ZC3H12C: variants seen among roughly 807,000 people sequenced by gnomAD.
ZC3H12C encodes zinc finger CCCH-type containing 12C.
In ZC3H12C, 20 loss-of-function variants were observed where a neutral mutation model predicts 76.3. The ratio of observed to expected loss-of-function variants is 0.26; its 90% CI spans 0.18 to 0.38. The LOEUF (loss-of-function observed/expected upper bound fraction) is 0.38. Among genes scored for constraint, ZC3H12C ranks in the 10% least tolerant of loss-of-function variants. ZC3H12C has a pLI of 1.00. For missense variants in ZC3H12C, 874 were observed against 1,086.5 expected, an observed-to-expected ratio of 0.80 and a Z score of 2.75; for synonymous variants, 352 against 399.6, an observed-to-expected ratio of 0.88 and a Z score of 1.42.
chr11:110,097,845 C>T (rs1861140632), intron 1 of ZC3H12C, among the ~76,000 whole-genome samples: 1 of 152,144 alleles, frequency 6.6e-6, no homozygotes, highest in Admixed American at 6.5e-5. Flanking sequence ...GATGTCATAG[C>T]CATCTCCTGA....
chr11:110,113,563 A>G (rs2134155668), intron 1 of ZC3H12C, among the ~76,000 whole-genome samples: 1 of 152,260 alleles, frequency 6.6e-6, no homozygotes, highest in East Asian at 1.9e-4. Context: ...GAAAAGCCTT[A>G]CTTTGAAAAG....
At chr11:110,158,828 T>C (rs1862425385) in intron 3 of ZC3H12C, among the ~76,000 whole-genome samples, 1 of 152,210 alleles carries the variant, frequency 6.6e-6, no homozygotes, top group Non-Finnish European at 1.5e-5. Context: ...TTACGAAGTA[T>C]GCAAACAAAC....
At chr11:110,140,376 T>C (rs1862047771) in intron 2 of ZC3H12C, among the ~76,000 whole-genome samples, 1 of 152,182 alleles carries the variant, frequency 6.6e-6, no homozygotes, top group South Asian at 2.1e-4. Context: ...TAAAAGTGTT[T>C]GAGTTCTTCA....
chr11:110,148,035 A>T (rs907220801), intron 2 of ZC3H12C, among the ~76,000 whole-genome samples: 1 of 152,254 alleles, frequency 6.6e-6, no homozygotes, highest in African/African-American at 2.4e-5. Flanking sequence ...GAAGGGCAAC[A>T]AGAAGCAGAA....
At chr11:110,110,086 C>A (rs1445911936) in intron 1 of ZC3H12C, among the ~76,000 whole-genome samples, 1 of 152,212 alleles carries the variant, frequency 6.6e-6, no homozygotes, top group East Asian at 1.9e-4. Flanking sequence ...ACAGGGGTTG[C>A]TTTTGTTGTT....
chr11:110,124,128 G>A (rs892647685), intron 1 of ZC3H12C: 1 of 152,216 alleles, frequency 6.6e-6, no homozygotes, highest in African/African-American at 2.4e-5. Flanking sequence ...GCTCTAGTTG[G>A]GAAGAGAATC....
chr11:110,098,854 A>G lies in ZC3H12C; in HGVS notation c.21+5422A>G, dbSNP rs1265509035. ...GAAATAGCCTAAGGATGCATTTCTC[A>G]GAACATAACTTTGTCAAGTGACACA... On this transcript the variant is annotated intron_variant, in intron 1 of 5. Coordinates refer to ENST00000278590, the MANE Select transcript of ZC3H12C (RefSeq NM_033390.2). Among the ~76,000 whole-genome samples the G allele has an allele frequency of 2.6e-5, 4 of 152,270 alleles. No individual in the cohort carries two copies. In the East Asian group the frequency reaches 7.7e-4, roughly 29 times the overall value.
rs1565252489 is a variant in ZC3H12C at position 110,117,991 on chromosome 11, C to CACACACACATATATATTATATATAT, written c.22-18667_22-18666insCACATATATATTATATATATACACA. Among the ~76,000 whole-genome samples, 5 of 127,870 alleles carry CACACACACATATATATTATATATAT rather than the reference C, an allele frequency of 3.9e-5. 1 individual carries two copies. The highest frequency in any genetic ancestry group is 9.1e-5 in the African/African-American group (3 of 32,934). 83.9% of individuals were successfully genotyped at this position (127,870 alleles called of 152,430 possible). ...CACACACATATATATTATATATATA[C>CACACACACATATATATTATATATAT]ACACATATATATTATATATATACAC... On this transcript the variant is annotated intron_variant, in intron 1 of 5. Coordinates refer to ENST00000278590, the MANE Select transcript of ZC3H12C (RefSeq NM_033390.2).
intron 1 of ZC3H12C, among the ~76,000 whole-genome samples, chr11:110,120,047 C>T (rs1937904673): frequency 6.6e-6 from 1 of 152,154 alleles, no homozygotes. Context: ...TAATTACCAT[C>T]ACCTGACATG....
intron 3 of ZC3H12C, among the ~76,000 whole-genome samples, chr11:110,155,158 G>A (rs962023464): frequency 2.6e-5 from 4 of 151,880 alleles, no homozygotes; most frequent in African/African-American, 4.8e-5. Flanking sequence ...GCCTGGTGGC[G>A]GGCACCTGTA....
In ZC3H12C at chr11:110,164,794, G is replaced by T; in HGVS notation, c.1709G>T (p.Gly570Val). 1 of 1,613,986 alleles carries T rather than the reference G, an allele frequency of 6.2e-7. No individual in the cohort carries two copies. Among genetic ancestry groups the T allele is most frequent in the Non-Finnish European group, 8.5e-7 (1 of 1,179,890 alleles). Residue 570 changes from glycine (G) to valine (V), a missense_variant, in exon 6 of 6, where the codon GGA (glycine) becomes GTA (valine). Physicochemically the swap from Gly to Val is moderately radical, Grantham distance 109 (BLOSUM62 -3). Transcript: ENST00000278590. This position sits in a 1 kb window ranked among gnomAD's most constrained non-coding sequence, Gnocchi z 5.7. Reference sequence around the variant, plus strand: ...ATGATGATGGCAACCAAAAATCATGGAACGCCAATGCCTTATGAACAGTAT... The same window carrying T: ...ATGATGATGGCAACCAAAAATCATGTAACGCCAATGCCTTATGAACAGTAT... ...PSMMMATKNH[G>V]TPMPYEQYPK...
chr11:110,126,227 T>A (rs1227776393), intron 1 of ZC3H12C, among the ~76,000 whole-genome samples: 1 of 125,976 alleles, frequency 7.9e-6, no homozygotes, highest in African/African-American at 3.0e-5. Flanking sequence ...TTTTTTTTTT[T>A]TTTTTTTTTT....
chr11:110,136,660 T>C lies in ZC3H12C; in HGVS notation c.22-3T>C. 1 of 1,601,806 alleles carries C rather than the reference T, an allele frequency of 6.2e-7. No individual in the cohort carries two copies. Among genetic ancestry groups the C allele is most frequent in the Non-Finnish European group, 8.5e-7 (1 of 1,175,482 alleles). On this transcript the variant is annotated splice_polypyrimidine_tract_variant and splice_region_variant and intron_variant, in intron 1 of 5. Coordinates refer to ENST00000278590, the MANE Select transcript of ZC3H12C (RefSeq NM_033390.2). ...ATTCTAAATATTTTACATTTTTCTC[T>C]AGGAATACGGGGTGCTTTGCATTCA...
chr11:110,096,523 C>A (rs181465781), intron 1 of ZC3H12C, among the ~76,000 whole-genome samples: 8 of 152,298 alleles, frequency 5.3e-5, no homozygotes, highest in Admixed American at 2.6e-4. Context: ...GAAGCAGAGA[C>A]ACTGAGTTTG....
chr11:110,127,973 A>G (rs1861783638), intron 1 of ZC3H12C, among the ~76,000 whole-genome samples: 1 of 152,096 alleles, frequency 6.6e-6, no homozygotes, highest in Non-Finnish European at 1.5e-5. Flanking sequence ...GGCAAAGATA[A>G]TTGATGCCAT....
intron 1 of ZC3H12C, among the ~76,000 whole-genome samples, chr11:110,121,699 C>T (rs554656116): frequency 6.6e-6 from 1 of 152,038 alleles, no homozygotes; most frequent in Non-Finnish European, 1.5e-5. Flanking sequence ...GAAATTATAA[C>T]TCAAGCTTTT....
rs1177777388 is a variant in ZC3H12C, at chr11:110,165,247, G to C, written c.2162G>C (p.Cys721Ser). 6.2e-7 allele frequency: 1 copy of C among 1,613,886 alleles called. No homozygotes were observed. The highest frequency in any genetic ancestry group is 1.7e-5 in the Admixed American group (1 of 60,006). The change falls in exon 6 of 6, where the codon TGT (cysteine) becomes TCT (serine). Residue 721 changes from cysteine (C) to serine (S), a missense_variant. Coordinates refer to ENST00000278590, the MANE Select transcript of ZC3H12C (RefSeq NM_033390.2). ...TCCGCTGTGGGCGCCCGGTCCAGCT[G>C]TCCTGGCGACTACCCCTCTCCTCCA... ...PHSAVGARSSCPGDYPSPPSS... is the reference protein window; with the variant it reads ...PHSAVGARSSSPGDYPSPPSS...
intron 3 of ZC3H12C, 132 bp downstream of exon 3, chr11:110,153,190 G>A: frequency 8.6e-7 from 1 of 1,168,986 alleles, no homozygotes; most frequent in South Asian, 1.7e-5. Context: ...GTTGTTTTTT[G>A]TTGTTGTTGT....
At chr11:110,148,749 T>A (rs779438214) in intron 2 of ZC3H12C, among the ~76,000 whole-genome samples, 6 of 152,248 alleles carry the variant, frequency 3.9e-5, no homozygotes, top group Admixed American at 6.5e-5. Flanking sequence ...CCTGCATCCA[T>A]GCAGATAGCC....
Sources: allele counts gnomAD v4.1 joint callset (sites outside exome capture counted in the v4.1 genomes callset), GRCh38; gene constraint gnomAD v4.1.1; non-coding constraint Gnocchi (gnomAD v3.1); transcripts MANE v1.5; gene names NCBI Gene and HGNC (gene_info 2026-07-23, HGNC 2026-07-21).